MAPT: variants seen among roughly 807,000 people sequenced by gnomAD.
MAPT encodes the protein microtubule associated protein tau.
MAPT carries 34 observed loss-of-function variants against 67.9 expected under a neutral mutation model. That is an observed-to-expected ratio of 0.50 (90% CI 0.38 to 0.67). The LOEUF (loss-of-function observed/expected upper bound fraction) is 0.67. MAPT is among the 30% of genes least tolerant of loss of function. The pLI is 0.00. For missense variants in MAPT, 881 were observed against 1,115.2 expected, an observed-to-expected ratio of 0.79 and a Z score of 2.99; for synonymous variants, 456 against 464.5, an observed-to-expected ratio of 0.98 and a Z score of 0.23.
chr17:46,001,026 C>G (rs143025651), intron 9 of MAPT, among the ~76,000 whole-genome samples: 16 of 152,276 alleles, frequency 1.1e-4, no homozygotes, highest in Middle Eastern at 3.4e-3. Context: ...TCCAGGAGTT[C>G]AAGACCAGCC....
chr17:45,983,934 TG>T lies in MAPT; in HGVS notation c.1351+5del. The T allele has an allele frequency of 6.4e-7, 1 of 1,553,164 alleles. No homozygotes were observed. The highest frequency in any genetic ancestry group is 8.7e-7 in the Non-Finnish European group (1 of 1,155,070). The stretch of plus-strand genomic sequence containing the variant: ...AGCCGGGTCCCTCAACTCAAAGGTC[TG>T]TGTCTTGAGCTTCTTCGCTCCTTCC... On this transcript the variant is annotated splice_donor_5th_base_variant and intron_variant, in intron 5 of 12. Transcript: ENST00000262410.
intron 4 of MAPT, among the ~76,000 whole-genome samples, chr17:45,982,241 G>A (rs2073046507): frequency 2.0e-5 from 3 of 149,260 alleles, no homozygotes; most frequent in African/African-American, 7.4e-5. Flanking sequence ...AGAATCGCTT[G>A]AACCAGGGAG....
chr17:45,979,281 T>C (rs1326385132), intron 4 of MAPT: 1 of 152,236 alleles, frequency 6.6e-6, no homozygotes, highest in Non-Finnish European at 1.5e-5. Flanking sequence ...GGTACTGATA[T>C]AATGTGGGCT....
chr17:46,016,126 C>A (rs2146111564), intron 11 of MAPT, among the ~76,000 whole-genome samples: 1 of 152,222 alleles, frequency 6.6e-6, no homozygotes. Flanking sequence ...CTGTGGTGGC[C>A]CACACCTATA....
At chr17:45,931,119 A>G (rs951181566) in intron 1 of MAPT, among the ~76,000 whole-genome samples, 23 of 152,144 alleles carry the variant, frequency 1.5e-4, no homozygotes, top group Admixed American at 2.0e-4. Context: ...AGTCATCCTC[A>G]TTCTCTTGCA....
intron 9 of MAPT, among the ~76,000 whole-genome samples, chr17:46,009,651 G>C (rs973584771): frequency 6.6e-5 from 10 of 152,232 alleles, no homozygotes; most frequent in Non-Finnish European, 1.5e-4. Flanking sequence ...CCCCACATTT[G>C]TCTTCCCCAC....
intron 6 of MAPT, among the ~76,000 whole-genome samples, chr17:45,988,485 C>T (rs2073786827): frequency 6.6e-6 from 1 of 152,190 alleles, no homozygotes; most frequent in Non-Finnish European, 1.5e-5. Context: ...ACCATCTATC[C>T]TGCATCCTGG....
chr17:45,928,517 A>G (rs1478579304), intron 1 of MAPT, among the ~76,000 whole-genome samples: 2 of 152,058 alleles, frequency 1.3e-5, no homozygotes, highest in Non-Finnish European at 2.9e-5. Context: ...CACTGTACCT[A>G]TGTCACTCAT....
At chr17:45,979,311 T>G (rs552382667) in intron 4 of MAPT, 1 of 152,362 alleles carries the variant, frequency 6.6e-6, no homozygotes, top group South Asian at 2.1e-4. Flanking sequence ...TTCTGTCATT[T>G]GCTAGATAAA....
intron 1 of MAPT, chr17:45,895,413 C>G (rs2063118415): frequency 6.7e-6 from 1 of 149,534 alleles, no homozygotes; most frequent in African/African-American, 2.5e-5. Context: ...CACAGAGACG[C>G]GAGCAGCGCC....
chr17:46,021,666 G>A (rs949485582), intron 12 of MAPT, among the ~76,000 whole-genome samples: 3 of 152,162 alleles, frequency 2.0e-5, no homozygotes, highest in South Asian at 2.1e-4. Context: ...CCTACGTCCC[G>A]GGGTGGTTGT....
At chr17:45,916,507 C>T (rs930295790) in intron 1 of MAPT, among the ~76,000 whole-genome samples, 3 of 152,154 alleles carry the variant, frequency 2.0e-5, no homozygotes, top group Non-Finnish European at 4.4e-5. Context: ...GTCACCCCAA[C>T]TCCCAGTGAT....
At position 46,026,975 on chromosome 17, in the gene MAPT, T is replaced by A. The variant is rs1212375228; in HGVS notation, c.*2804T>A. The A allele has an allele frequency of 6.6e-6, 1 of 152,128 alleles. No individual in the cohort carries two copies. Among genetic ancestry groups the A allele is most frequent in the Non-Finnish European group, 1.5e-5 (1 of 68,038 alleles). The allele number at this position is 152,128 out of a possible 1,614,324, so 9.4% of individuals were successfully genotyped here. Reference sequence around the variant, plus strand: ...CTTCGTGTGCAGCTAGAGCTTTACCTGAAAGGAAGTCTCTGGGCCCAGAAC... The same window carrying A: ...CTTCGTGTGCAGCTAGAGCTTTACCAGAAAGGAAGTCTCTGGGCCCAGAAC... On this transcript the variant is annotated 3_prime_UTR_variant, in exon 13 of 13. Transcript: ENST00000262410.
chr17:45,971,983 C>T lies in MAPT; in HGVS notation c.220+38C>T, dbSNP rs767666832. On this transcript the variant is annotated intron_variant, in intron 3 of 12. Transcript: ENST00000262410. The surrounding 1 kb of genome is among the most constrained non-coding windows in gnomAD (Gnocchi z 4.3). The stretch of plus-strand genomic sequence containing the variant: ...TCAGACGCCCCCTCCATGCCTCCAG[C>T]CTGTGCTTAGCCGTGCTTTGAGCCT... 32 of 1,525,226 alleles carry T rather than the reference C, an allele frequency of 2.1e-5. No individual in the cohort carries two copies. The South Asian group carries it at 3.4e-4, about 16-fold the overall frequency. 94.5% of individuals were successfully genotyped at this position (1,525,226 alleles called of 1,614,324 possible).
At chr17:45,901,511 G>A (rs1016069755) in intron 1 of MAPT, among the ~76,000 whole-genome samples, 3 of 152,162 alleles carry the variant, frequency 2.0e-5, no homozygotes, top group East Asian at 1.9e-4. Flanking sequence ...ATTAAATAAA[G>A]CAAACTTGTG....
At chr17:45,978,048 A>G (rs1282215627) in intron 3 of MAPT, 3 of 352,032 alleles carry the variant, frequency 8.5e-6, no homozygotes, top group Non-Finnish European at 1.6e-5. Flanking sequence ...CTCAGCAGCA[A>G]ATTGCTTCTC....
intron 1 of MAPT, among the ~76,000 whole-genome samples, chr17:45,921,867 T>C (rs1369056899): frequency 6.6e-6 from 1 of 152,110 alleles, no homozygotes; most frequent in Admixed American, 6.5e-5. Context: ...GTTGTCCTCC[T>C]GGAAGGGAAG....
chr17:45,959,370 T>C (rs2070122023), intron 1 of MAPT, among the ~76,000 whole-genome samples: 1 of 152,194 alleles, frequency 6.6e-6, no homozygotes, highest in South Asian at 2.1e-4. Flanking sequence ...TTTATTTAGG[T>C]GTATGATTAA....
rs2074459459 is a variant in MAPT, at chr17:45,996,260, A to G, written c.1733-139A>G. 1.1e-6 allele frequency: 1 copy of G among 877,876 alleles called. No individual in the cohort carries two copies. Among genetic ancestry groups the G allele is most frequent in the Non-Finnish European group, 1.9e-6 (1 of 539,160 alleles). 54.4% of individuals were successfully genotyped at this position (877,876 alleles called of 1,614,324 possible). On this transcript the variant is annotated intron_variant, in intron 8 of 12. Coordinates refer to ENST00000262410, the MANE Select transcript of MAPT (RefSeq NM_001377265.1). This position sits in a 1 kb window ranked among gnomAD's most constrained non-coding sequence, Gnocchi z 4.5. Reference sequence around the variant, plus strand: ...CTTCCCCAGGGCAGCCGTCTGCTGTAGCTGCGCTTCCAACCTGGCTTCCAC... The same window carrying G: ...CTTCCCCAGGGCAGCCGTCTGCTGTGGCTGCGCTTCCAACCTGGCTTCCAC...
Sources: gnomAD v4.1 joint callset for allele counts (sites outside exome capture counted in the v4.1 genomes callset) on GRCh38, gnomAD v4.1.1 for gene constraint, Gnocchi (gnomAD v3.1) non-coding constraint, MANE v1.5 for transcripts, NCBI Gene and HGNC (gene_info 2026-07-23, HGNC 2026-07-21) for gene names.